TRIM14: variants seen among roughly 807,000 people sequenced by gnomAD.
The protein encoded by TRIM14 is tripartite motif-containing protein 14.
Under a neutral mutation model 44.5 loss-of-function variants are expected in TRIM14, and 28 were observed. The ratio of observed to expected loss-of-function variants is 0.63; its 90% CI spans 0.47 to 0.86. TRIM14 has a LOEUF of 0.86. Ranked by LOEUF, TRIM14 falls within the 40% of genes least tolerant of loss-of-function variation. TRIM14 has a pLI of 0.00. For missense variants in TRIM14, 607 were observed against 611.1 expected, an observed-to-expected ratio of 0.99 and a Z score of 0.07; for synonymous variants, 299 against 269.2, an observed-to-expected ratio of 1.11 and a Z score of -1.08.
chr9:98,084,200 T>G (rs1468121352), downstream of TRIM14, among the ~76,000 whole-genome samples: 4 of 152,122 alleles, frequency 2.6e-5, no homozygotes, highest in East Asian at 7.7e-4. Context: ...AAATGTTTAC[T>G]GTGTGCCTAC....
chr9:98,092,568 A>G (rs558459683), intron 4 of TRIM14: 69 of 300,356 alleles, frequency 2.3e-4, no homozygotes, highest in African/African-American at 1.5e-3. Context: ...ATCTGTGGGA[A>G]GCCCACCTGC....
the TRIM14 span, among the ~76,000 whole-genome samples, chr9:98,042,606 T>C: frequency 6.6e-6 from 1 of 152,164 alleles, no homozygotes. Flanking sequence ...GCGCAATGGC[T>C]CAAGCCTGTA....
chr9:98,109,222 G>A (rs1003456349), intron 2 of TRIM14, among the ~76,000 whole-genome samples: 2 of 151,964 alleles, frequency 1.3e-5, no homozygotes, highest in African/African-American at 4.8e-5. Flanking sequence ...CTCACTGCGA[G>A]GAGGGAGCAA....
At chr9:98,056,739 A>T in the TRIM14 span, 3 of 1,560,492 alleles carry the variant, frequency 1.9e-6, no homozygotes, top group Admixed American at 3.8e-5. Flanking sequence ...CTCACAGAAC[A>T]GAGTAGAGGC....
At chr9:98,108,359 T>A (rs958227943) in intron 2 of TRIM14, among the ~76,000 whole-genome samples, 1 of 152,140 alleles carries the variant, frequency 6.6e-6, no homozygotes, top group African/African-American at 2.4e-5. Flanking sequence ...ACAACACAAA[T>A]TTGTAAACTT....
downstream of TRIM14, chr9:98,082,997 A>C: frequency 1.9e-6 from 3 of 1,614,242 alleles, no homozygotes; most frequent in Non-Finnish European, 2.5e-6. Flanking sequence ...ACTGTTGAAG[A>C]GGATGACACC....
At chr9:98,097,662 A>G (rs111991588) in intron 3 of TRIM14, among the ~76,000 whole-genome samples, 6 of 152,254 alleles carry the variant, frequency 3.9e-5, no homozygotes. Context: ...GACCTGGCTC[A>G]GTACATATTG....
At position 98,100,032 on chromosome 9, in the gene TRIM14, C is replaced by T. The variant is rs768116851; in HGVS notation, c.436G>A (p.Glu146Lys). The change falls in exon 3 of 6, where the codon GAA becomes AAA. Residue 146 changes from glutamate (E) to lysine (K), a missense_variant. Physicochemically the swap from Glu to Lys is moderately conservative, Grantham distance 56. This residue lies in a region of TRIM14 where 246 missense variants were observed against 270.8 expected (regional missense o/e 0.91). Transcript: ENST00000341469. ...TGCTCTCTGCAAGAGTCAGCTTGTT[C>T]CCTGTACACCTGGAGGGTAAGCTGC... ...NTQLTLQVYREQADSCREQLD... is the reference protein window; with the variant it reads ...NTQLTLQVYRKQADSCREQLD... 3 of 1,614,148 alleles carry T rather than the reference C, an allele frequency of 1.9e-6. No homozygotes were observed. Among genetic ancestry groups the T allele is most frequent in the Non-Finnish European group, 2.5e-6 (3 of 1,180,038 alleles).
rs1009803262 is a variant in TRIM14 at position 98,085,718 on chromosome 9, T to C, written c.*1752A>G. ...AGTTTTAAAGTCTTTGGTTAGAAGT[T>C]AAGGTGTTTGCAAGGTTCTGTCTGC... On this transcript the variant is annotated 3_prime_UTR_variant, in exon 6 of 6. Coordinates refer to ENST00000341469, the MANE Select transcript of TRIM14 (RefSeq NM_014788.4). 6.6e-6 allele frequency: 1 copy of C among 152,164 alleles called. No homozygotes were observed. The highest frequency in any genetic ancestry group is 1.5e-5 in the Non-Finnish European group (1 of 68,024). The allele number at this position is 152,164 out of a possible 1,614,324, so 9.4% of individuals were successfully genotyped here. A position where few individuals can be genotyped will look rare whatever the true frequency, so the allele number is the denominator to read the frequency against.
At chr9:98,093,036 G>A (rs372797038) in intron 4 of TRIM14, among the ~76,000 whole-genome samples, 1 of 152,146 alleles carries the variant, frequency 6.6e-6, no homozygotes, top group Non-Finnish European at 1.5e-5. Context: ...TCCTACTGCC[G>A]AGGCGATACC....
Position 98,087,107 on chromosome 9 carries a change from A to T in TRIM14, c.*363T>A. ...GTTTACTGTGTGCCTACTATGTGTC[A>T]GGTTCCTGTGCTGTACGAGGGAGAA... On this transcript the variant is annotated 3_prime_UTR_variant, in exon 6 of 6. Transcript: ENST00000341469. 2.0e-6 allele frequency: 1 copy of T among 488,998 alleles called. No homozygotes were observed. Among genetic ancestry groups the T allele is most frequent in the Admixed American group, 2.8e-5 (1 of 36,178 alleles). 30.3% of individuals were successfully genotyped at this position (488,998 alleles called of 1,614,324 possible).
chr9:98,062,568 G>A, the TRIM14 span, among the ~76,000 whole-genome samples: 2 of 152,098 alleles, frequency 1.3e-5, no homozygotes, highest in African/African-American at 4.8e-5. Flanking sequence ...ATTTCCTCCT[G>A]AAGTCTTTTT....
the TRIM14 span, among the ~76,000 whole-genome samples, chr9:98,042,831 C>T: frequency 2.0e-5 from 3 of 151,018 alleles, no homozygotes; most frequent in African/African-American, 7.3e-5. Context: ...GATCACGCCA[C>T]TGCACTCCAG....
intron 4 of TRIM14, among the ~76,000 whole-genome samples, chr9:98,093,316 C>G (rs896473610): frequency 1.3e-5 from 2 of 152,172 alleles, no homozygotes; most frequent in Admixed American, 1.3e-4. Context: ...ATACCTCCCC[C>G]AGACGTAACA....
the TRIM14 span, among the ~76,000 whole-genome samples, chr9:98,038,851 C>A: frequency 2.0e-5 from 3 of 151,848 alleles, no homozygotes; most frequent in Non-Finnish European, 2.9e-5. Context: ...GAGTCTGAGA[C>A]CAGTCTGGCC....
downstream of TRIM14, chr9:98,082,861 G>C (rs147561143): frequency 1.1e-4 from 184 of 1,614,144 alleles, no homozygotes; most frequent in Middle Eastern, 9.9e-4. Context: ...CAAGTCTGTG[G>C]TGGCCAAAGT....
intron 2 of TRIM14, among the ~76,000 whole-genome samples, chr9:98,105,727 G>A (rs932988004): frequency 3.9e-5 from 6 of 152,308 alleles, no homozygotes; most frequent in Non-Finnish European, 5.9e-5. Context: ...GCATGCAGAC[G>A]AAAGCCACAA....
intron 4 of TRIM14, among the ~76,000 whole-genome samples, chr9:98,094,210 T>C (rs1314771831): frequency 6.6e-6 from 1 of 152,224 alleles, no homozygotes; most frequent in Non-Finnish European, 1.5e-5. Flanking sequence ...TCTGAATGAA[T>C]CATGATAGCA....
downstream of TRIM14, chr9:98,083,006 C>T: frequency 6.2e-7 from 1 of 1,614,098 alleles, no homozygotes; most frequent in African/African-American, 1.3e-5. Flanking sequence ...GAGGATGACA[C>T]CATCATGGAA....
Sources: gnomAD v4.1 joint callset for allele counts (sites outside exome capture counted in the v4.1 genomes callset) on GRCh38, gnomAD v4.1.1 for gene constraint, gnomAD v4.1.1 regional missense constraint, MANE v1.5 for transcripts, NCBI Gene and HGNC (gene_info 2026-07-23, HGNC 2026-07-21) for gene names.